Variants in PTPRD observed in about 807,000 individuals in gnomAD.
PTPRD encodes protein tyrosine phosphatase receptor type D.
PTPRD carries 34 observed loss-of-function variants against 214.5 expected under a neutral mutation model. That is an observed-to-expected ratio of 0.16 (90% CI 0.12 to 0.21). The LOEUF is 0.21. Ranked by LOEUF, PTPRD falls within the 10% of genes least tolerant of loss-of-function variation. The probability of loss-of-function intolerance (pLI) is 1.00; values close to 1 mark genes in which losing one functional copy is unlikely to be tolerated. For synonymous variants in PTPRD, 1,128 were observed against 845.7 expected, an observed-to-expected ratio of 1.33 and a Z score of -5.79; for missense variants, 2,545 against 2,398.7, an observed-to-expected ratio of 1.06 and a Z score of -1.27.
chr9:9,063,630 G>A (rs888484325), intron 10 of PTPRD, among the ~76,000 whole-genome samples: 4 of 152,132 alleles, frequency 2.6e-5, no homozygotes, highest in Non-Finnish European at 5.9e-5. Context: ...CACCTAGCAT[G>A]TAGCAGGGCT....
At chr9:10,381,300 G>C (rs2097820285) in intron 2 of PTPRD, among the ~76,000 whole-genome samples, 1 of 151,900 alleles carries the variant, frequency 6.6e-6, no homozygotes, top group African/African-American at 2.4e-5. Flanking sequence ...TATTTTAGTT[G>C]CCTAGGAAAC....
chr9:10,584,345 C>A (rs1368528300), intron 2 of PTPRD, among the ~76,000 whole-genome samples: 8 of 152,146 alleles, frequency 5.3e-5, no homozygotes, highest in Admixed American at 2.0e-4. Flanking sequence ...TTGTACAACA[C>A]AGAAGATAAA....
intron 2 of PTPRD, among the ~76,000 whole-genome samples, chr9:10,589,824 T>A (rs1316633651): frequency 6.6e-6 from 1 of 152,088 alleles, no homozygotes; most frequent in Non-Finnish European, 1.5e-5. Context: ...TGATTGAATT[T>A]ACATTTGAAC....
intron 2 of PTPRD, among the ~76,000 whole-genome samples, chr9:10,466,414 G>A (rs1235405434): frequency 2.0e-5 from 3 of 151,646 alleles, no homozygotes; most frequent in Admixed American, 2.0e-4. Flanking sequence ...ACCTGAAGTC[G>A]GGAGTTCGAG....
At chr9:8,683,813 C>T (rs946896162) in intron 12 of PTPRD, among the ~76,000 whole-genome samples, 1 of 152,208 alleles carries the variant, frequency 6.6e-6, no homozygotes, top group Admixed American at 6.5e-5. Flanking sequence ...CTTCATTCTG[C>T]CTTCTTCCCT....
intron 11 of PTPRD, among the ~76,000 whole-genome samples, chr9:8,863,462 G>A (rs1425557071): frequency 6.6e-6 from 1 of 152,120 alleles, no homozygotes; most frequent in African/African-American, 2.4e-5. Context: ...TTTGTTGCAT[G>A]CATTATGATA....
chr9:8,362,084 G>C (rs79764109), intron 39 of PTPRD, among the ~76,000 whole-genome samples: 9,981 of 152,254 alleles, frequency 0.066, 1,112 homozygotes, highest in African/African-American at 0.23. Context: ...TTGTACCTTT[G>C]TACAGTATGC....
At chr9:8,579,960 G>A (rs1395954351) in intron 14 of PTPRD, among the ~76,000 whole-genome samples, 1 of 152,100 alleles carries the variant, frequency 6.6e-6, no homozygotes, top group Non-Finnish European at 1.5e-5. Flanking sequence ...ACAGGATAGT[G>A]GCATGATCAG....
At chr9:8,357,178 C>T (rs893772325) in intron 39 of PTPRD, among the ~76,000 whole-genome samples, 1 of 152,170 alleles carries the variant, frequency 6.6e-6, no homozygotes, top group Non-Finnish European at 1.5e-5. Context: ...AATTCTTCTT[C>T]GAAGGGCAGA....
intron 44 of PTPRD, among the ~76,000 whole-genome samples, chr9:8,327,843 T>TTTG (rs1835531355): frequency 6.6e-6 from 1 of 152,208 alleles, no homozygotes; most frequent in Admixed American, 6.5e-5. Flanking sequence ...TATCCCCTGC[T>TTTG]TTGTTTTGCT....
At chr9:8,901,078 G>T (rs1253980225) in intron 11 of PTPRD, among the ~76,000 whole-genome samples, 1 of 152,138 alleles carries the variant, frequency 6.6e-6, no homozygotes, top group Admixed American at 6.6e-5. Flanking sequence ...TGCAAGAAGG[G>T]CATTTGAACA....
At chr9:9,033,588 A>G (rs2099612504) in intron 10 of PTPRD, among the ~76,000 whole-genome samples, 1 of 152,158 alleles carries the variant, frequency 6.6e-6, no homozygotes, top group Non-Finnish European at 1.5e-5. Flanking sequence ...TACTAGAGAT[A>G]GATACTTCGA....
intron 12 of PTPRD, among the ~76,000 whole-genome samples, chr9:8,690,515 C>G (rs1394159561): frequency 2.3e-5 from 3 of 128,910 alleles, no homozygotes; most frequent in Non-Finnish European, 4.7e-5. Flanking sequence ...GGCGACAGAG[C>G]AAGACTCCGT....
intron 5 of PTPRD, among the ~76,000 whole-genome samples, chr9:9,862,280 T>C (rs1232957985): frequency 6.6e-6 from 1 of 150,922 alleles, no homozygotes; most frequent in African/African-American, 2.4e-5. Context: ...TTGCTATAAA[T>C]CCATTTAAAA....
At chr9:9,054,459 T>C (rs2154396732) in intron 10 of PTPRD, among the ~76,000 whole-genome samples, 1 of 152,280 alleles carries the variant, frequency 6.6e-6, no homozygotes, top group Non-Finnish European at 1.5e-5. Context: ...ATCATGACGT[T>C]TACCAGTAAT....
chr9:9,504,522 T>A (rs966188689), intron 8 of PTPRD, among the ~76,000 whole-genome samples: 8 of 151,682 alleles, frequency 5.3e-5, no homozygotes, highest in Admixed American at 1.3e-4. Context: ...ATACCTACCA[T>A]GTGAAAAGCC....
chr9:9,342,459 AG>A (rs2047171480), intron 9 of PTPRD, among the ~76,000 whole-genome samples: 2 of 152,308 alleles, frequency 1.3e-5, no homozygotes, highest in South Asian at 4.1e-4. Flanking sequence ...AATGTATTAT[AG>A]GTGACGAGAT....
At chr9:9,354,920 C>G (rs1191642735) in intron 9 of PTPRD, among the ~76,000 whole-genome samples, 1 of 150,892 alleles carries the variant, frequency 6.6e-6, no homozygotes, top group Non-Finnish European at 1.5e-5. Flanking sequence ...CTGGCATTTT[C>G]AATGAATAGC....
chr9:9,896,479 A>G (rs1357679211), intron 5 of PTPRD, among the ~76,000 whole-genome samples: 1 of 152,118 alleles, frequency 6.6e-6, no homozygotes, highest in East Asian at 1.9e-4. Flanking sequence ...TTTTATTAGC[A>G]TAACTTCTGG....
Sources: gnomAD v4.1 joint callset for allele counts (sites outside exome capture counted in the v4.1 genomes callset) on GRCh38, gnomAD v4.1.1 for gene constraint, MANE v1.5 for transcripts, NCBI Gene and HGNC (gene_info 2026-07-23, HGNC 2026-07-21) for gene names.